The following ADCY2 variants were observed in gnomAD, a reference collection of about 807,000 sequenced individuals.
ADCY2 encodes the protein adenylate cyclase 2.
In ADCY2, 31 loss-of-function variants were observed where a neutral mutation model predicts 125.2. That is an observed-to-expected ratio of 0.25 (90% confidence interval 0.19 to 0.33). The LOEUF is 0.33. Ranked by LOEUF, ADCY2 falls within the 10% of genes least tolerant of loss-of-function variation. ADCY2 has a pLI of 1.00. For missense variants in ADCY2, 904 were observed against 1,418.2 expected, an observed-to-expected ratio of 0.64 and a Z score of 5.82; for synonymous variants, 512 against 548.4, an observed-to-expected ratio of 0.93 and a Z score of 0.93.
At chr5:7,660,047 G>A (rs554828685) in intron 4 of ADCY2, among the ~76,000 whole-genome samples, 33 of 152,158 alleles carry the variant, frequency 2.2e-4, no homozygotes, top group Non-Finnish European at 4.6e-4. Flanking sequence ...GAGAAGGTGG[G>A]AGGGGCCATG....
chr5:7,589,220 C>T lies in ADCY2; in HGVS notation c.571-36947C>T, dbSNP rs1314515362. On this transcript the variant is annotated intron_variant, in intron 3 of 24. Coordinates refer to ENST00000338316, the MANE Select transcript of ADCY2 (RefSeq NM_020546.3). ...AATTTATTTTCTAAAGGGTTTGCTA[C>T]TGTCTGATTTTTTAAAGACTTTAGT... Among the ~76,000 whole-genome samples the T allele has an allele frequency of 4.6e-5, 7 of 152,048 alleles. No individual in the cohort carries two copies. The South Asian group carries it at 1.5e-3, about 32-fold the overall frequency.
intron 2 of ADCY2, among the ~76,000 whole-genome samples, chr5:7,450,756 C>T (rs1256347704): frequency 6.6e-6 from 1 of 152,174 alleles, no homozygotes; most frequent in Admixed American, 6.5e-5. Context: ...CAGCTGGTAA[C>T]TTTAAGTTGA....
At chr5:7,478,815 A>G (rs922839096) in intron 2 of ADCY2, among the ~76,000 whole-genome samples, 1 of 152,142 alleles carries the variant, frequency 6.6e-6, no homozygotes, top group African/African-American at 2.4e-5. Flanking sequence ...TCATAGTAAA[A>G]CACTAATCCT....
chr5:7,582,302 A>G (rs1482385426), intron 3 of ADCY2, among the ~76,000 whole-genome samples: 1 of 152,206 alleles, frequency 6.6e-6, no homozygotes, highest in African/African-American at 2.4e-5. Context: ...TAAAATGAAA[A>G]AGAGTAAGAG....
intron 4 of ADCY2, among the ~76,000 whole-genome samples, chr5:7,659,746 A>C (rs1739461010): frequency 6.6e-6 from 1 of 152,224 alleles, no homozygotes; most frequent in Admixed American, 6.5e-5. Context: ...AGAGATTCCT[A>C]GGAGTAGTTG....
At chr5:7,714,111 G>GCT (rs1416453901) in intron 11 of ADCY2, among the ~76,000 whole-genome samples, 4 of 152,152 alleles carry the variant, frequency 2.6e-5, no homozygotes, top group Non-Finnish European at 5.9e-5. Flanking sequence ...AGCTTTTGAA[G>GCT]CATTATAATT....
At chr5:7,681,125 C>T (rs1465125123) in intron 4 of ADCY2, among the ~76,000 whole-genome samples, 1 of 146,480 alleles carries the variant, frequency 6.8e-6, no homozygotes, top group African/African-American at 2.5e-5. Context: ...GATGTGATGA[C>T]TTCCCTGCAG....
At chr5:7,592,848 C>G (rs1431417610) in intron 3 of ADCY2, among the ~76,000 whole-genome samples, 2 of 152,050 alleles carry the variant, frequency 1.3e-5, no homozygotes, top group East Asian at 3.9e-4. Context: ...TGAAGCACCC[C>G]CCAGCCCACT....
chr5:7,415,450 G>C (rs115877590), intron 2 of ADCY2, among the ~76,000 whole-genome samples: 2 of 152,100 alleles, frequency 1.3e-5, no homozygotes, highest in South Asian at 4.1e-4. Flanking sequence ...CCACAGTTTC[G>C]ACAACTCAGT....
At chr5:7,551,051 T>G in intron 3 of ADCY2, among the ~76,000 whole-genome samples, 1 of 125,318 alleles carries the variant, frequency 8.0e-6, no homozygotes. Flanking sequence ...CCTTCCTTCC[T>G]TCCTTCCTTC....
intron 3 of ADCY2, among the ~76,000 whole-genome samples, chr5:7,585,263 C>G (rs1373718157): frequency 6.6e-6 from 1 of 152,000 alleles, no homozygotes; most frequent in East Asian, 1.9e-4. Context: ...ATGAGCATTC[C>G]CTGTCAAATT....
intron 3 of ADCY2, among the ~76,000 whole-genome samples, chr5:7,540,298 C>CAA (rs113831290): frequency 9.6e-5 from 14 of 145,552 alleles, no homozygotes; most frequent in African/African-American, 2.5e-4. Flanking sequence ...TGTAACAAAC[C>CAA]AAAAAAAAAA....
At chr5:7,487,247 A>G (rs1188477936) in intron 2 of ADCY2, among the ~76,000 whole-genome samples, 1 of 152,158 alleles carries the variant, frequency 6.6e-6, no homozygotes, top group Non-Finnish European at 1.5e-5. Context: ...CCATCCTGTC[A>G]GTCCCAGTGC....
At chr5:7,441,120 G>A (rs1740998038) in intron 2 of ADCY2, among the ~76,000 whole-genome samples, 1 of 152,088 alleles carries the variant, frequency 6.6e-6, no homozygotes, top group Non-Finnish European at 1.5e-5. Flanking sequence ...AATTTTGAAT[G>A]CCTGAAAAAA....
At chr5:7,520,612 T>C (rs2126532170) in intron 2 of ADCY2, 126 bp from the exon 3 acceptor site, 1 of 1,019,710 alleles carries the variant, frequency 9.8e-7, no homozygotes, top group Non-Finnish European at 1.4e-6. Flanking sequence ...CTATTTTGTC[T>C]ATAGATTATT....
intron 3 of ADCY2, among the ~76,000 whole-genome samples, chr5:7,525,540 T>TTTTTTC (rs1315669879): frequency 6.6e-6 from 1 of 152,102 alleles, no homozygotes; most frequent in African/African-American, 2.4e-5. Context: ...AGCCCTGACT[T>TTTTTTC]TTTTTCTTTT....
chr5:7,428,146 T>C (rs1009341940), intron 2 of ADCY2, among the ~76,000 whole-genome samples: 1 of 152,194 alleles, frequency 6.6e-6, no homozygotes, highest in African/African-American at 2.4e-5. Context: ...GTTTTAGGTT[T>C]GAACTGCTGG....
intron 4 of ADCY2, among the ~76,000 whole-genome samples, chr5:7,628,821 T>TAA (rs199913255): frequency 6.9e-6 from 1 of 144,430 alleles, no homozygotes; most frequent in East Asian, 2.0e-4. Context: ...TTATCTTGGT[T>TAA]TAAAAAAAAA....
intron 3 of ADCY2, among the ~76,000 whole-genome samples, chr5:7,540,114 G>A (rs555522914): frequency 1.3e-5 from 2 of 152,280 alleles, no homozygotes; most frequent in African/African-American, 4.8e-5. Flanking sequence ...TCACTTATCA[G>A]TGGGAGCAAA....
Sources: gnomAD v4.1 joint callset for allele counts (sites outside exome capture counted in the v4.1 genomes callset) on GRCh38, gnomAD v4.1.1 for gene constraint, MANE v1.5 for transcripts, NCBI Gene and HGNC (gene_info 2026-07-23, HGNC 2026-07-21) for gene names.